The following LRP12 variants were observed in gnomAD, a reference collection of about 807,000 sequenced individuals.
LRP12 encodes the protein LDL receptor related protein 12, also known as low-density lipoprotein receptor-related protein 12.
Under a neutral mutation model 66.0 loss-of-function variants are expected in LRP12, and 14 were observed. The ratio of observed to expected loss-of-function variants is 0.21; its 90% CI spans 0.14 to 0.33. LRP12 has a LOEUF of 0.33. LRP12 is among the 10% of genes least tolerant of loss of function. The pLI, the probability that LRP12 is intolerant of heterozygous loss-of-function variation, is 1.00. For synonymous variants in LRP12, 357 were observed against 359.1 expected, an observed-to-expected ratio of 0.99 and a Z score of 0.07; for missense variants, 889 against 1,053.4, an observed-to-expected ratio of 0.84 and a Z score of 2.16.
chr8:104,587,705 C>T (rs1337288577), intron 1 of LRP12, among the ~76,000 whole-genome samples: 1 of 152,188 alleles, frequency 6.6e-6, no homozygotes, highest in Admixed American at 6.5e-5. Context: ...ATAACACTTG[C>T]TGACAAATTG....
chr8:104,534,068 C>CAAAAA (rs35546158), intron 1 of LRP12, among the ~76,000 whole-genome samples: 3 of 135,862 alleles, frequency 2.2e-5, no homozygotes, highest in South Asian at 2.3e-4. Flanking sequence ...TTTATAATAG[C>CAAAAA]AAAAAAAAAA....
chr8:104,540,884 C>A (rs1811466193), intron 1 of LRP12, among the ~76,000 whole-genome samples: 1 of 152,114 alleles, frequency 6.6e-6, no homozygotes, highest in South Asian at 2.1e-4. Flanking sequence ...CAGGCACGTG[C>A]CATCACGCCC....
At chr8:104,576,807 A>G (rs1176966592) in intron 1 of LRP12, among the ~76,000 whole-genome samples, 1 of 152,212 alleles carries the variant, frequency 6.6e-6, no homozygotes, top group Non-Finnish European at 1.5e-5. Context: ...TAAAAGACAC[A>G]GAATGGCAAG....
intron 2 of LRP12, among the ~76,000 whole-genome samples, chr8:104,514,444 C>A (rs192932858): frequency 2.8e-4 from 43 of 151,622 alleles, no homozygotes; most frequent in African/African-American, 9.7e-4. Flanking sequence ...TGTGGTGACT[C>A]ACGCATGTAA....
At chr8:104,499,149 G>A (rs919593883) in intron 4 of LRP12, among the ~76,000 whole-genome samples, 168 bp downstream of exon 4, 1 of 152,108 alleles carries the variant, frequency 6.6e-6, no homozygotes, top group African/African-American at 2.4e-5. Flanking sequence ...AACACCTTTT[G>A]GAGACCCAGC....
At chr8:104,513,427 C>G (rs1811025617) in intron 2 of LRP12, among the ~76,000 whole-genome samples, 1 of 152,140 alleles carries the variant, frequency 6.6e-6, no homozygotes, top group South Asian at 2.1e-4. Flanking sequence ...CACTATATTT[C>G]TGATAGCTCA....
intron 1 of LRP12, among the ~76,000 whole-genome samples, 187 bp downstream of exon 1, chr8:104,588,632 G>T (rs976146773): frequency 3.9e-5 from 6 of 152,048 alleles, no homozygotes; most frequent in African/African-American, 1.4e-4. Flanking sequence ...GGAGGTGGAC[G>T]AGTGGAGAAA....
intron 1 of LRP12, among the ~76,000 whole-genome samples, chr8:104,548,431 T>C (rs1292098926): frequency 8.9e-6 from 1 of 112,976 alleles, no homozygotes; most frequent in African/African-American, 3.8e-5. Flanking sequence ...AATTAAAATA[T>C]ATAATTCTAT....
At chr8:104,547,564 T>TA (rs1811600986) in intron 1 of LRP12, among the ~76,000 whole-genome samples, 1 of 126,118 alleles carries the variant, frequency 7.9e-6, no homozygotes, top group Admixed American at 9.0e-5. Context: ...ATATTATATA[T>TA]TAATAATTAT....
Position 104,588,868 on chromosome 8 carries a change from A to C in LRP12, c.30T>G (p.Ser10=). 6.2e-7 allele frequency: 1 copy of C among 1,611,722 alleles called. No individual in the cohort carries two copies. The highest frequency in any genetic ancestry group is 2.2e-5 in the East Asian group (1 of 44,702). The stretch of plus-strand genomic sequence containing the variant: ...AGAGCAACGCAGACCTCCACCGCGG[A>C]GACTCTTTTGTGCTCCAGCGACAGG... MACRWSTKE[S]PRWRSALLLL... Residue 10 remains serine, a synonymous_variant, in exon 1 of 7, where the codon TCT becomes TCG. Transcript: ENST00000276654.
chr8:104,549,011 C>G (rs1367954876), intron 1 of LRP12, among the ~76,000 whole-genome samples: 3 of 152,118 alleles, frequency 2.0e-5, no homozygotes, highest in Non-Finnish European at 4.4e-5. Context: ...CAAGGACATA[C>G]TAGGTCTAAG....
chr8:104,498,984 A>G (rs1222880753), intron 4 of LRP12, among the ~76,000 whole-genome samples: 1 of 152,232 alleles, frequency 6.6e-6, no homozygotes, highest in African/African-American at 2.4e-5. Context: ...AAAAACAATG[A>G]CAATTACCAC....
intron 1 of LRP12, among the ~76,000 whole-genome samples, chr8:104,536,361 A>G (rs1453913023): frequency 6.6e-6 from 1 of 151,978 alleles, no homozygotes; most frequent in Admixed American, 6.6e-5. Flanking sequence ...AGCATCTGAC[A>G]CTGTCACTTT....
intron 3 of LRP12, among the ~76,000 whole-genome samples, chr8:104,502,188 A>G (rs1810837169): frequency 6.6e-6 from 1 of 152,200 alleles, no homozygotes; most frequent in South Asian, 2.1e-4. Flanking sequence ...GTTTAAGGAC[A>G]CTGTCTTTAC....
rs1045597724 is a variant in LRP12 at position 104,566,212 on chromosome 8, C to A, written c.79+22607G>T. 1.5e-5 allele frequency: 10 copies of A among 672,824 alleles called. No individual in the cohort carries two copies. In the African/African-American group the frequency reaches 1.7e-4, roughly 11 times the overall value. 41.7% of individuals were successfully genotyped at this position (672,824 alleles called of 1,614,324 possible). A position where few individuals can be genotyped will look rare whatever the true frequency, so the allele number is the denominator to read the frequency against. ...TGAGCAAATCCCTGAAAATGCAGCACATAGAAAGTATACAGAACAGATTAC... is the reference window on the plus strand; with the variant it reads ...TGAGCAAATCCCTGAAAATGCAGCAAATAGAAAGTATACAGAACAGATTAC... On this transcript the variant is annotated intron_variant, in intron 1 of 6. Coordinates refer to ENST00000276654, the MANE Select transcript of LRP12 (RefSeq NM_013437.5).
intron 1 of LRP12, among the ~76,000 whole-genome samples, chr8:104,562,934 C>T (rs1335769252): frequency 6.6e-6 from 1 of 152,132 alleles, no homozygotes; most frequent in African/African-American, 2.4e-5. Context: ...ATCAGCACCA[C>T]AAGCAGATGA....
At chr8:104,510,728 G>T (rs1043149005) in intron 2 of LRP12, among the ~76,000 whole-genome samples, 1 of 152,102 alleles carries the variant, frequency 6.6e-6, no homozygotes, top group Non-Finnish European at 1.5e-5. Context: ...ACAGTTATCA[G>T]AAGTGACGAG....
At chr8:104,558,422 G>A (rs888887416) in intron 1 of LRP12, among the ~76,000 whole-genome samples, 7 of 152,114 alleles carry the variant, frequency 4.6e-5, no homozygotes, top group Non-Finnish European at 1.0e-4. Flanking sequence ...AATGAAACTG[G>A]ATCCTCATCT....
intron 3 of LRP12, among the ~76,000 whole-genome samples, chr8:104,502,837 C>G (rs1177479057): frequency 6.6e-6 from 1 of 152,056 alleles, no homozygotes; most frequent in African/African-American, 2.4e-5. Flanking sequence ...GGTCTAGTCC[C>G]ATTCAAACTA....
Sources: allele counts gnomAD v4.1 joint callset (sites outside exome capture counted in the v4.1 genomes callset), GRCh38; gene constraint gnomAD v4.1.1; transcripts MANE v1.5; gene names NCBI Gene and HGNC (gene_info 2026-07-23, HGNC 2026-07-21).